HAS2: variants seen among roughly 807,000 people sequenced by gnomAD.
HAS2 encodes hyaluronan synthase 2, also known as HA synthase 2.
In HAS2, 16 loss-of-function variants were observed where a neutral mutation model predicts 51.6. The ratio of observed to expected loss-of-function variants is 0.31; its 90% CI spans 0.21 to 0.47. HAS2 has a LOEUF of 0.47. HAS2 is among the 20% of genes least tolerant of loss of function. The probability of loss-of-function intolerance (pLI) is 1.00; values close to 1 mark genes in which losing one functional copy is unlikely to be tolerated. For synonymous variants in HAS2, 228 were observed against 235.5 expected (o/e 0.97, Z 0.29); for missense variants, 361 against 662.6 (o/e 0.54, Z 5.00).
rs1240320617 is a variant in HAS2, at chr8:121,641,182, G to GTTTTTTTTTTTTTTTTTTTTTT, written c.-331_-330insAAAAAAAAAAAAAAAAAAAAAA. ...TCTTTTTTTTTTTTTTTTTTTTTTG[G>GTTTTTTTTTTTTTTTTTTTTTT]GCTTCAGTCTTTCTGCCCCCGATAA... On this transcript the variant is annotated 5_prime_UTR_variant, in exon 1 of 4. Transcript: ENST00000303924. The GTTTTTTTTTTTTTTTTTTTTTT allele has an allele frequency of 2.0e-5, 1 of 48,848 alleles. No homozygotes were observed. Among genetic ancestry groups the GTTTTTTTTTTTTTTTTTTTTTT allele is most frequent in the Admixed American group, 3.8e-4 (1 of 2,638 alleles). The allele number at this position is 48,848 out of a possible 1,614,324, so 3.0% of individuals were successfully genotyped here. A position where few individuals can be genotyped will look rare whatever the true frequency, so the allele number is the denominator to read the frequency against.
Position 121,633,143 on chromosome 8 carries a change from T to TC in HAS2, c.1-3804_1-3803insG, listed in dbSNP as rs527912552. On this transcript the variant is annotated intron_variant, in intron 1 of 3. Coordinates refer to ENST00000303924, the MANE Select transcript of HAS2 (RefSeq NM_005328.3). ...TGAAAATTGTTTCCCTACCTTTTTTTTTTTTTTTTTTTGAGATGGAGTCTT... is the reference window on the plus strand; with the variant it reads ...TGAAAATTGTTTCCCTACCTTTTTTTCTTTTTTTTTTTTGAGATGGAGTCTT... Among the ~76,000 whole-genome samples, 489 of 149,994 alleles carry TC rather than the reference T, an allele frequency of 3.3e-3. 4 individuals carry two copies. Among genetic ancestry groups the TC allele is most frequent in the South Asian group, 0.014 (64 of 4,666 alleles).
intron 2 of HAS2, among the ~76,000 whole-genome samples, chr8:121,621,019 C>T (rs1301630344): frequency 6.6e-6 from 1 of 152,170 alleles, no homozygotes; most frequent in East Asian, 1.9e-4. Flanking sequence ...CTATTTATGG[C>T]TGCTTTTCAC....
At chr8:121,626,199 A>T (rs1812849407) in intron 2 of HAS2, among the ~76,000 whole-genome samples, 1 of 152,236 alleles carries the variant, frequency 6.6e-6, no homozygotes, top group Admixed American at 6.5e-5. Flanking sequence ...TGATCTTGAC[A>T]GCATTCAGAA....
intron 3 of HAS2, among the ~76,000 whole-genome samples, chr8:121,616,020 CATAT>C (rs1256099585): frequency 6.6e-6 from 1 of 152,102 alleles, no homozygotes; most frequent in Admixed American, 6.6e-5. Flanking sequence ...TATCAAACTA[CATAT>C]ATAAAATGGG....
chr8:121,619,445 C>T (rs1465291089), intron 2 of HAS2, among the ~76,000 whole-genome samples: 1 of 151,934 alleles, frequency 6.6e-6, no homozygotes, highest in African/African-American at 2.4e-5. Context: ...AAACTTTATT[C>T]TCCTTATTTA....
intron 2 of HAS2, among the ~76,000 whole-genome samples, chr8:121,617,829 G>C (rs1343836190): frequency 6.6e-6 from 1 of 152,010 alleles, no homozygotes; most frequent in Non-Finnish European, 1.5e-5. Context: ...CATATGACCC[G>C]GGCTTAGCAA....
chr8:121,639,177 A>G (rs1439591677), intron 1 of HAS2: 1 of 152,198 alleles, frequency 6.6e-6, no homozygotes, highest in Non-Finnish European at 1.5e-5. Context: ...CCTTCTCTTT[A>G]TTCTAACACT....
chr8:121,627,117 G>A (rs191288775), intron 2 of HAS2, among the ~76,000 whole-genome samples: 162 of 152,228 alleles, frequency 1.1e-3, no homozygotes, highest in African/African-American at 3.9e-3. Context: ...CAAACAATGA[G>A]GCCTTGATTA....
At chr8:121,628,561 A>G (rs530594752) in intron 2 of HAS2, among the ~76,000 whole-genome samples, 153 bp downstream of exon 2, 2 of 151,790 alleles carry the variant, frequency 1.3e-5, no homozygotes, top group South Asian at 4.1e-4. Flanking sequence ...CCTTTTTCAA[A>G]ATGTGCTTTC....
intron 1 of HAS2, 61 bp from the exon 2 acceptor site, chr8:121,629,401 C>T: frequency 7.7e-7 from 1 of 1,301,628 alleles, no homozygotes; most frequent in Non-Finnish European, 1.1e-6. Flanking sequence ...TGTTATATAC[C>T]TAGTATCATG....
At position 121,637,390 on chromosome 8, in the gene HAS2, C is replaced by CTTTTTTTT. The variant is rs397728062; in HGVS notation, c.-1+3455_-1+3462dup. On this transcript the variant is annotated intron_variant, in intron 1 of 3. Coordinates refer to ENST00000303924, the MANE Select transcript of HAS2 (RefSeq NM_005328.3). ...CCACATGACTACCATTCAAAATAGA[C>CTTTTTTTT]TTTTTTTTTTTTTTTTTTGAGATAG... is the stretch of plus-strand genomic sequence containing the variant. 6.9e-5 allele frequency among the ~76,000 whole-genome samples: 9 copies of CTTTTTTTT among 130,774 alleles called. 3 individuals are homozygous for CTTTTTTTT. Among genetic ancestry groups the CTTTTTTTT allele is most frequent in the Non-Finnish European group, 6.3e-5 (4 of 63,036 alleles). The allele number at this position is 130,774 out of a possible 152,430, so 85.8% of individuals were successfully genotyped here. A position where few individuals can be genotyped will look rare whatever the true frequency, so the allele number is the denominator to read the frequency against.
chr8:121,621,972 A>T (rs970359309), intron 2 of HAS2, among the ~76,000 whole-genome samples: 2 of 152,080 alleles, frequency 1.3e-5, no homozygotes, highest in Non-Finnish European at 2.9e-5. Context: ...AATAAATCAA[A>T]ACTCTTTTGA....
rs779087697 is a variant in HAS2, at chr8:121,628,672, A to T, written c.627+42T>A. Reference sequence around the variant, plus strand: ...ACTGGACAGATACAAAAGCGGCTTTATTTAAATGTATGTTTGCCCTGGCAG... The same window carrying T: ...ACTGGACAGATACAAAAGCGGCTTTTTTTAAATGTATGTTTGCCCTGGCAG... On this transcript the variant is annotated intron_variant, in intron 2 of 3. Transcript: ENST00000303924. The T allele has an allele frequency of 1.1e-5, 17 of 1,583,614 alleles. No homozygotes were observed. In the Admixed American group the frequency reaches 2.8e-4, roughly 26 times the overall value.
chr8:121,636,143 T>G (rs1813004897), intron 1 of HAS2, among the ~76,000 whole-genome samples: 1 of 152,216 alleles, frequency 6.6e-6, no homozygotes, highest in Non-Finnish European at 1.5e-5. Context: ...ATCACAAGTT[T>G]TAAAATCTCC....
At chr8:121,622,879 T>C (rs990764466) in intron 2 of HAS2, among the ~76,000 whole-genome samples, 5 of 151,364 alleles carry the variant, frequency 3.3e-5, no homozygotes, top group Non-Finnish European at 4.4e-5. Context: ...AAGCAACAAA[T>C]ACAAAATCAT....
chr8:121,622,018 A>C (rs2130438036), intron 2 of HAS2, among the ~76,000 whole-genome samples: 1 of 152,114 alleles, frequency 6.6e-6, no homozygotes, highest in African/African-American at 2.4e-5. Flanking sequence ...GTAAGGCTTA[A>C]CCCTTCATCT....
intron 1 of HAS2, chr8:121,639,788 G>A (rs775781396): frequency 6.6e-6 from 1 of 152,308 alleles, no homozygotes; most frequent in Admixed American, 6.5e-5. Context: ...GCTCACGCTG[G>A]GCGGGAACTG....
chr8:121,615,041 G>T lies in HAS2; in HGVS notation c.730-3C>A, dbSNP rs1253730019. On this transcript the variant is annotated splice_region_variant and splice_polypyrimidine_tract_variant and intron_variant, in intron 3 of 3. Transcript: ENST00000303924. ...CAGGAATCGTACTTGTTTAAAATCT[G>T]CAAGAAGAAAAACATAAGTAATAGG... 6.3e-7 allele frequency: 1 copy of T among 1,587,310 alleles called. No homozygotes were observed. The highest frequency in any genetic ancestry group is 8.6e-7 in the Non-Finnish European group (1 of 1,167,460).
intron 3 of HAS2, 34 bp downstream of exon 3, chr8:121,617,071 G>T: frequency 8.6e-7 from 1 of 1,169,382 alleles, no homozygotes; most frequent in Non-Finnish European, 1.3e-6. Context: ...AGTATTTCAT[G>T]CAAAACAAAC....
Sources: gnomAD v4.1 joint callset for allele counts (sites outside exome capture counted in the v4.1 genomes callset) on GRCh38, gnomAD v4.1.1 for gene constraint, MANE v1.5 for transcripts, NCBI Gene and HGNC (gene_info 2026-07-23, HGNC 2026-07-21) for gene names.